Variants in BICC1 observed in about 807,000 individuals in gnomAD.
The protein encoded by BICC1 is BicC family RNA binding protein 1.
In BICC1, 43 loss-of-function variants were observed where a neutral mutation model predicts 111.0. That is an observed-to-expected ratio of 0.39 (90% CI 0.30 to 0.50). The LOEUF (loss-of-function observed/expected upper bound fraction) is 0.50, where lower values mean the gene tolerates loss of function less well. Ranked by LOEUF, BICC1 falls within the 20% of genes least tolerant of loss-of-function variation. BICC1 has a pLI of 0.88. For synonymous variants in BICC1, 467 were observed against 434.4 expected (o/e 1.07, Z -0.93); for missense variants, 1,091 against 1,203.2 (o/e 0.91, Z 1.38).
chr10:58,685,183 A>G (rs1488375008), intron 2 of BICC1, among the ~76,000 whole-genome samples: 1 of 152,120 alleles, frequency 6.6e-6, no homozygotes, highest in African/African-American at 2.4e-5. Context: ...AGGGGTTTTG[A>G]GTGAGTTTCT....
chr10:58,593,007 A>G lies in BICC1; in HGVS notation c.191-27848A>G, dbSNP rs181199065. On this transcript the variant is annotated intron_variant, in intron 1 of 20. Coordinates refer to ENST00000373886, the MANE Select transcript of BICC1 (RefSeq NM_001080512.3). Reference sequence around the variant, plus strand: ...TTGAAATTCTCGCTGCCAGCACAACAGCAGTCTGAGATTGACTGGGACGTT... The same window carrying G: ...TTGAAATTCTCGCTGCCAGCACAACGGCAGTCTGAGATTGACTGGGACGTT... Among the ~76,000 whole-genome samples the G allele has an allele frequency of 1.7e-3, 263 of 152,080 alleles. 1 individual carries two copies. Among genetic ancestry groups the G allele is most frequent in the Middle Eastern group, 3.4e-3 (1 of 294 alleles).
intron 1 of BICC1, among the ~76,000 whole-genome samples, chr10:58,605,118 G>A (rs1318650086): frequency 6.6e-6 from 1 of 152,170 alleles, no homozygotes; most frequent in East Asian, 1.9e-4. Flanking sequence ...AGAGCAAATG[G>A]TCTAGGCCAG....
At chr10:58,740,604 A>T (rs965616013) in intron 3 of BICC1, among the ~76,000 whole-genome samples, 1 of 152,206 alleles carries the variant, frequency 6.6e-6, no homozygotes, top group African/African-American at 2.4e-5. Flanking sequence ...GTGAAAAGAA[A>T]AAAAACCTCT....
intron 2 of BICC1, among the ~76,000 whole-genome samples, chr10:58,647,557 T>G (rs1314185241): frequency 6.6e-6 from 1 of 152,088 alleles, no homozygotes; most frequent in Non-Finnish European, 1.5e-5. Context: ...AGTGAGTGAT[T>G]TTTTTCCCCA....
At chr10:58,563,982 G>C (rs933894884) in intron 1 of BICC1, among the ~76,000 whole-genome samples, 8 of 152,058 alleles carry the variant, frequency 5.3e-5, no homozygotes, top group Non-Finnish European at 1.2e-4. Context: ...CTTTCAAGTA[G>C]AAAAATAAAA....
intron 1 of BICC1, among the ~76,000 whole-genome samples, chr10:58,576,657 T>C (rs1429898570): frequency 2.6e-5 from 4 of 152,216 alleles, no homozygotes; most frequent in Non-Finnish European, 4.4e-5. Context: ...AATGGTGTTA[T>C]ACATTGTTAC....
intron 2 of BICC1, among the ~76,000 whole-genome samples, chr10:58,672,274 A>G (rs571550080): frequency 5.3e-4 from 81 of 152,054 alleles, no homozygotes; most frequent in Non-Finnish European, 7.5e-4. Flanking sequence ...CCTAGCAACC[A>G]CCATTCTACT....
At chr10:58,759,913 C>G (rs558786044) in intron 3 of BICC1, among the ~76,000 whole-genome samples, 1 of 149,450 alleles carries the variant, frequency 6.7e-6, no homozygotes, top group African/African-American at 2.5e-5. Context: ...GAGCCGAGAT[C>G]GCGCTACCAC....
At chr10:58,558,566 A>G (rs1843520267) in intron 1 of BICC1, among the ~76,000 whole-genome samples, 1 of 152,108 alleles carries the variant, frequency 6.6e-6, no homozygotes, top group Non-Finnish European at 1.5e-5. Context: ...GTTGTTTTCA[A>G]ATGTGAGGGT....
intron 3 of BICC1, among the ~76,000 whole-genome samples, chr10:58,733,096 A>G (rs1185776648): frequency 6.6e-6 from 1 of 152,166 alleles, no homozygotes; most frequent in Admixed American, 6.5e-5. Context: ...AAAATGAGGT[A>G]TGCTTGTAAT....
intron 3 of BICC1, among the ~76,000 whole-genome samples, chr10:58,752,266 G>T (rs1335887892): frequency 6.6e-6 from 1 of 152,116 alleles, no homozygotes. Flanking sequence ...CTAGGTTTTT[G>T]TCATCAGCGC....
chr10:58,824,535 A>G (rs1158022824), intron 20 of BICC1, among the ~76,000 whole-genome samples: 1 of 152,116 alleles, frequency 6.6e-6, no homozygotes, highest in African/African-American at 2.4e-5. Context: ...GAACTTGGCC[A>G]TAGGAGTGTG....
At chr10:58,741,690 A>G (rs952025063) in intron 3 of BICC1, among the ~76,000 whole-genome samples, 6 of 152,168 alleles carry the variant, frequency 3.9e-5, no homozygotes, top group Admixed American at 3.9e-4. Context: ...AAGATTGAGT[A>G]TCTTGTCCAA....
rs879286090 is a variant in BICC1, at chr10:58,657,862, G to A, written c.237+36961G>A. The stretch of plus-strand genomic sequence containing the variant: ...TATTATTACAATGTGTGGATATAGC[G>A]TAAAGAATTCAACCAGTCCCCAGTT... On this transcript the variant is annotated intron_variant, in intron 2 of 20. Coordinates refer to ENST00000373886, the MANE Select transcript of BICC1 (RefSeq NM_001080512.3). Among the ~76,000 whole-genome samples the A allele has an allele frequency of 2.2e-4, 34 of 151,796 alleles. 1 individual carries two copies. The highest frequency in any genetic ancestry group is 4.1e-4 in the South Asian group (2 of 4,830).
At chr10:58,652,892 T>G (rs1240227549) in intron 2 of BICC1, among the ~76,000 whole-genome samples, 1 of 152,140 alleles carries the variant, frequency 6.6e-6, no homozygotes, top group Non-Finnish European at 1.5e-5. Flanking sequence ...CTCCTTTCTT[T>G]GAATCAGTGT....
intron 3 of BICC1, among the ~76,000 whole-genome samples, chr10:58,714,082 C>CGTGTTTTT: frequency 6.6e-6 from 1 of 152,148 alleles, no homozygotes; most frequent in Admixed American, 6.6e-5. Flanking sequence ...AGAAGACAGC[C>CGTGTTTTT]GCCTCAACAC....
intron 1 of BICC1, among the ~76,000 whole-genome samples, chr10:58,536,797 C>T (rs1842836536): frequency 6.6e-6 from 1 of 151,712 alleles, no homozygotes; most frequent in African/African-American, 2.4e-5. Context: ...AACTGATACA[C>T]TACTAGCTAG....
intron 3 of BICC1, among the ~76,000 whole-genome samples, chr10:58,768,563 A>G (rs967368649): frequency 2.6e-5 from 4 of 152,188 alleles, no homozygotes; most frequent in African/African-American, 9.6e-5. Flanking sequence ...GAATACTCCA[A>G]TATCCTAATG....
chr10:58,812,314 A>G (rs1204115333), intron 17 of BICC1, among the ~76,000 whole-genome samples: 1 of 152,060 alleles, frequency 6.6e-6, no homozygotes, highest in African/African-American at 2.4e-5. Context: ...TAGTAGAGTC[A>G]CTAGCTGGGA....
Sources: gnomAD v4.1 joint callset for allele counts (sites outside exome capture counted in the v4.1 genomes callset) on GRCh38, gnomAD v4.1.1 for gene constraint, MANE v1.5 for transcripts, NCBI Gene and HGNC (gene_info 2026-07-23, HGNC 2026-07-21) for gene names.